Variants in CACNA1E observed in about 807,000 individuals in gnomAD.
CACNA1E encodes calcium voltage-gated channel subunit alpha1 E.
CACNA1E carries 40 observed loss-of-function variants against 259.2 expected under a neutral mutation model. The observed-to-expected ratio is 0.15, with a 90% CI of 0.12 to 0.20. The LOEUF is 0.20. Among genes scored for constraint, CACNA1E ranks in the 10% least tolerant of loss-of-function variants. The pLI is 1.00. For missense variants in CACNA1E, 1,874 were observed against 3,040.1 expected, an observed-to-expected ratio of 0.62 and a Z score of 9.02; for synonymous variants, 1,104 against 1,138.5, an observed-to-expected ratio of 0.97 and a Z score of 0.61.
chr1:181,615,444 T>C (rs1351088279), intron 6 of CACNA1E, among the ~76,000 whole-genome samples: 1 of 152,200 alleles, frequency 6.6e-6, no homozygotes, highest in Non-Finnish European at 1.5e-5. Flanking sequence ...CGCCTCGGCC[T>C]CCTAAAGTGC....
chr1:181,357,291 T>G (rs1653523941), intron 1 of CACNA1E, among the ~76,000 whole-genome samples: 1 of 152,216 alleles, frequency 6.6e-6, no homozygotes. Context: ...CCCCTCAGAA[T>G]GGGTGTTGCC....
chr1:181,447,093 A>G (rs1187962561), intron 2 of CACNA1E, among the ~76,000 whole-genome samples: 1 of 152,200 alleles, frequency 6.6e-6, no homozygotes, highest in Non-Finnish European at 1.5e-5. Flanking sequence ...CCAGGAGAAA[A>G]GGGTGCCTGG....
intron 34 of CACNA1E, among the ~76,000 whole-genome samples, chr1:181,765,897 A>G (rs199922): frequency 0.13 from 20,130 of 152,262 alleles, 1,353 homozygotes; most frequent in South Asian, 0.24. Context: ...CCAAAGTGGC[A>G]ATAAGCATGC....
At chr1:181,468,613 G>A (rs1571939706) in intron 2 of CACNA1E, among the ~76,000 whole-genome samples, 1 of 152,346 alleles carries the variant, frequency 6.6e-6, no homozygotes, top group East Asian at 1.9e-4. Context: ...ATAGTGGGGA[G>A]CCAAGATGTG....
intron 27 of CACNA1E, 108 bp from the exon 28 acceptor site, chr1:181,755,129 C>A: frequency 2.5e-6 from 2 of 798,558 alleles, no homozygotes; most frequent in Non-Finnish European, 3.9e-6. Context: ...TCTCCTGGGA[C>A]AACTTCTTGG....
intron 10 of CACNA1E, 25 bp downstream of exon 10, chr1:181,716,154 T>C (rs1250834023): frequency 1.4e-6 from 2 of 1,407,720 alleles, no homozygotes; most frequent in Non-Finnish European, 2.0e-6. Context: ...TTAGATCTTT[T>C]ACTGCTCTGA....
chr1:181,331,738 C>T (rs1287479800), intron 1 of CACNA1E, among the ~76,000 whole-genome samples: 1 of 152,130 alleles, frequency 6.6e-6, no homozygotes, highest in African/African-American at 2.4e-5. Context: ...TCGGGTGATG[C>T]TAATTTGTAG....
At chr1:181,581,021 G>T (rs1651463303) in intron 6 of CACNA1E, among the ~76,000 whole-genome samples, 1 of 152,208 alleles carries the variant, frequency 6.6e-6, no homozygotes, top group South Asian at 2.1e-4. Context: ...ATGTTGGATA[G>T]GTGAACAAAT....
intron 1 of CACNA1E, among the ~76,000 whole-genome samples, chr1:181,369,957 G>T (rs1345111330): frequency 6.6e-6 from 1 of 151,488 alleles, no homozygotes; most frequent in African/African-American, 2.4e-5. Flanking sequence ...CTCCTCCCAC[G>T]CTCCACTCTC....
intron 3 of CACNA1E, among the ~76,000 whole-genome samples, chr1:181,537,290 G>A (rs910855111): frequency 1.3e-5 from 2 of 151,688 alleles, no homozygotes; most frequent in African/African-American, 4.8e-5. Flanking sequence ...GTAGAGACAG[G>A]GTTTCACCTT....
At chr1:181,506,082 G>A (rs886556828) in intron 1 of CACNA1E, among the ~76,000 whole-genome samples, 1 of 152,206 alleles carries the variant, frequency 6.6e-6, no homozygotes, top group Non-Finnish European at 1.5e-5. Flanking sequence ...TGTAATGAGT[G>A]TCACTGAATT....
chr1:181,325,561 T>C (rs1557912185), intron 1 of CACNA1E, among the ~76,000 whole-genome samples: 1 of 152,256 alleles, frequency 6.6e-6, no homozygotes, highest in Non-Finnish European at 1.5e-5. Flanking sequence ...GGGAGTCTCA[T>C]GCACGTTAGT....
At chr1:181,600,158 A>G (rs1358147221) in intron 6 of CACNA1E, among the ~76,000 whole-genome samples, 1 of 152,158 alleles carries the variant, frequency 6.6e-6, no homozygotes, top group African/African-American at 2.4e-5. Context: ...GTGGAAGAGC[A>G]TTCCAGATGG....
Position 181,783,776 on chromosome 1 carries a change from T to C in CACNA1E, c.5462T>C (p.Ile1821Thr), listed in dbSNP as rs1356294060. 1 of 1,554,234 alleles carries C rather than the reference T, an allele frequency of 6.4e-7. No individual in the cohort carries two copies. The highest frequency in any genetic ancestry group is 8.6e-7 in the Non-Finnish European group (1 of 1,156,782). The change falls in exon 40 of 48, where the codon ATT becomes ACT. Residue 1821 changes from isoleucine (I) to threonine (T), a missense_variant. Coordinates refer to ENST00000367573, the MANE Select transcript of CACNA1E (RefSeq NM_001205293.3). ...ATCCGGACAGCTCTGGACATTAAAA[T>C]TGCCAAAGGTAAGCTTAGCTTAGGA... ...ALIRTALDIK[I>T]AKGGADRQQL... is the part of the protein sequence containing the mutation.
intron 1 of CACNA1E, among the ~76,000 whole-genome samples, chr1:181,503,576 G>C (rs1665449191): frequency 6.6e-6 from 1 of 152,180 alleles, no homozygotes; most frequent in African/African-American, 2.4e-5. Flanking sequence ...GCTACAGCCA[G>C]CCAGCCCACT....
intron 3 of CACNA1E, among the ~76,000 whole-genome samples, chr1:181,521,254 T>C (rs1666976712): frequency 6.6e-6 from 1 of 152,194 alleles, no homozygotes; most frequent in Non-Finnish European, 1.5e-5. Flanking sequence ...GGTCCCTGCA[T>C]CTCACCTCCT....
chr1:181,453,493 T>C (rs1453082346), intron 2 of CACNA1E, among the ~76,000 whole-genome samples: 1 of 152,216 alleles, frequency 6.6e-6, no homozygotes, highest in African/African-American at 2.4e-5. Context: ...GGTCCCAGCA[T>C]GTGCCTAAGT....
At chr1:181,424,007 T>G (rs115460455) in intron 2 of CACNA1E, among the ~76,000 whole-genome samples, 3,298 of 152,272 alleles carry the variant, frequency 0.022, 56 homozygotes, top group South Asian at 0.055. Flanking sequence ...GCACCTGAGT[T>G]TGCAGGTCTG....
At chr1:181,426,885 A>G (rs1200742562) in intron 2 of CACNA1E, among the ~76,000 whole-genome samples, 2 of 120,142 alleles carry the variant, frequency 1.7e-5, no homozygotes, top group Admixed American at 1.7e-4. Context: ...TCACATCTCA[A>G]CCCCTTCACA....
Sources: allele counts gnomAD v4.1 joint callset (sites outside exome capture counted in the v4.1 genomes callset), GRCh38; gene constraint gnomAD v4.1.1; transcripts MANE v1.5; gene names NCBI Gene and HGNC (gene_info 2026-07-23, HGNC 2026-07-21).